Variants in ERBB4 observed in about 807,000 individuals in gnomAD.
The protein encoded by ERBB4 is receptor tyrosine-protein kinase erbB-4.
ERBB4 carries 42 observed loss-of-function variants against 158.0 expected under a neutral mutation model. The observed-to-expected ratio is 0.27, with a 90% CI of 0.21 to 0.34. The LOEUF is 0.34. Among genes scored for constraint, ERBB4 ranks in the 10% least tolerant of loss-of-function variants. ERBB4 has a pLI of 1.00. For synonymous variants in ERBB4, 583 were observed against 558.7 expected, an observed-to-expected ratio of 1.04 and a Z score of -0.61; for missense variants, 1,333 against 1,624.1, an observed-to-expected ratio of 0.82 and a Z score of 3.08.
At chr2:211,835,065 C>A (rs1183762704) in intron 3 of ERBB4, among the ~76,000 whole-genome samples, 2 of 152,034 alleles carry the variant, frequency 1.3e-5, no homozygotes, top group Non-Finnish European at 2.9e-5. Flanking sequence ...GAATATTTTT[C>A]CTTAATATTT....
chr2:212,332,867 A>G (rs1316200986), intron 1 of ERBB4, among the ~76,000 whole-genome samples: 7 of 152,112 alleles, frequency 4.6e-5, no homozygotes. Context: ...AAAAATCACT[A>G]GAAGCTGTGA....
chr2:211,721,674 T>TA (rs1216002778), intron 7 of ERBB4, among the ~76,000 whole-genome samples: 4 of 148,974 alleles, frequency 2.7e-5, no homozygotes, highest in Non-Finnish European at 5.9e-5. Context: ...AACTTGATAT[T>TA]AAAAATATAA....
intron 20 of ERBB4, among the ~76,000 whole-genome samples, chr2:211,536,839 T>G (rs1330527529): frequency 6.6e-6 from 1 of 151,988 alleles, no homozygotes; most frequent in Middle Eastern, 3.2e-3. Flanking sequence ...TGGAGCTCTT[T>G]GGCTCACATT....
chr2:212,428,633 T>C (rs1408658776), intron 1 of ERBB4, among the ~76,000 whole-genome samples: 1 of 152,148 alleles, frequency 6.6e-6, no homozygotes, highest in Non-Finnish European at 1.5e-5. Flanking sequence ...TACCACATTG[T>C]ATACTAAAAA....
At chr2:211,454,564 A>C (rs2064331443) in intron 20 of ERBB4, among the ~76,000 whole-genome samples, 1 of 152,106 alleles carries the variant, frequency 6.6e-6, no homozygotes. Flanking sequence ...TCTCTCTTTA[A>C]AGTAATTTAG....
At chr2:212,272,607 ACT>A in intron 1 of ERBB4, among the ~76,000 whole-genome samples, 1 of 151,814 alleles carries the variant, frequency 6.6e-6, no homozygotes, top group South Asian at 2.1e-4. Context: ...AGAGAAAAAA[ACT>A]CTGTGGGTTA....
chr2:211,543,805 T>C (rs2066874204), intron 20 of ERBB4, among the ~76,000 whole-genome samples: 1 of 150,906 alleles, frequency 6.6e-6, no homozygotes, highest in African/African-American at 2.4e-5. Flanking sequence ...AAGTTTTCAA[T>C]AATGTTTCTC....
At chr2:211,580,230 T>C (rs1360885390) in intron 19 of ERBB4, among the ~76,000 whole-genome samples, 2 of 152,164 alleles carry the variant, frequency 1.3e-5, no homozygotes, top group African/African-American at 4.8e-5. Context: ...GGAGAAAATC[T>C]TCACAATCTA....
chr2:212,126,658 A>G lies in ERBB4; in HGVS notation c.83-1755T>C, dbSNP rs146904350. ...TAAAGAAAATGGTTTGGTAAGTTAC[A>G]TAAGATATACTGAATTTAAGGCAAG... On this transcript the variant is annotated intron_variant, in intron 1 of 27. Transcript: ENST00000342788. Among the ~76,000 whole-genome samples the G allele has an allele frequency of 4.3e-3, 661 of 152,230 alleles. 3 individuals are homozygous for G. The highest frequency in any genetic ancestry group is 0.015 in the African/African-American group (632 of 41,540).
intron 3 of ERBB4, among the ~76,000 whole-genome samples, chr2:211,921,417 AG>A (rs2079854870): frequency 1.3e-5 from 2 of 152,060 alleles, no homozygotes; most frequent in Admixed American, 6.6e-5. Flanking sequence ...TAAAAAAAAT[AG>A]GAAGGATCAA....
At chr2:212,329,386 C>T (rs1432148797) in intron 1 of ERBB4, among the ~76,000 whole-genome samples, 1 of 151,882 alleles carries the variant, frequency 6.6e-6, no homozygotes, top group Non-Finnish European at 1.5e-5. Flanking sequence ...ATTTATAGTG[C>T]CAGAGAACAC....
At chr2:212,312,860 A>G (rs867818008) in intron 1 of ERBB4, among the ~76,000 whole-genome samples, 1 of 150,962 alleles carries the variant, frequency 6.6e-6, no homozygotes, top group African/African-American at 2.4e-5. Flanking sequence ...ATAAGGAAAA[A>G]AAATAAAATC....
intron 12 of ERBB4, among the ~76,000 whole-genome samples, chr2:211,684,789 G>T (rs1310751547): frequency 6.6e-6 from 1 of 152,178 alleles, no homozygotes; most frequent in Non-Finnish European, 1.5e-5. Flanking sequence ...ACTCACCAAA[G>T]AATGGAGTTT....
intron 16 of ERBB4, among the ~76,000 whole-genome samples, chr2:211,641,852 T>C (rs1314870788): frequency 6.6e-6 from 1 of 152,054 alleles, no homozygotes; most frequent in Non-Finnish European, 1.5e-5. Flanking sequence ...TTGATTTAGG[T>C]ATTTATAATT....
chr2:212,164,384 T>G (rs2081288213), intron 1 of ERBB4, among the ~76,000 whole-genome samples: 1 of 152,096 alleles, frequency 6.6e-6, no homozygotes, highest in African/African-American at 2.4e-5. Flanking sequence ...ACTAATTTTA[T>G]CTGCTCATTA....
At chr2:211,825,843 C>A (rs2077089768) in intron 3 of ERBB4, among the ~76,000 whole-genome samples, 1 of 146,370 alleles carries the variant, frequency 6.8e-6, no homozygotes, top group Non-Finnish European at 1.5e-5. Flanking sequence ...ATATATTACA[C>A]TATATTTTAT....
At chr2:211,540,562 T>G (rs1559276236) in intron 20 of ERBB4, among the ~76,000 whole-genome samples, 1 of 151,784 alleles carries the variant, frequency 6.6e-6, no homozygotes, top group Admixed American at 6.6e-5. Context: ...TTTTGTTTTT[T>G]GTTTTGTTTT....
At chr2:211,806,580 T>C (rs2076622069) in intron 3 of ERBB4, among the ~76,000 whole-genome samples, 1 of 152,056 alleles carries the variant, frequency 6.6e-6, no homozygotes. Flanking sequence ...AGTATCACAA[T>C]GCAACAGAAA....
intron 19 of ERBB4, among the ~76,000 whole-genome samples, chr2:211,567,855 A>C (rs1345642384): frequency 2.0e-5 from 3 of 152,002 alleles, no homozygotes; most frequent in African/African-American, 7.2e-5. Context: ...TAGATAAAGA[A>C]AAGGGAATAT....
Sources: gnomAD v4.1 joint callset for allele counts (sites outside exome capture counted in the v4.1 genomes callset) on GRCh38, gnomAD v4.1.1 for gene constraint, MANE v1.5 for transcripts, NCBI Gene and HGNC (gene_info 2026-07-23, HGNC 2026-07-21) for gene names.